PDE1C: variants seen among roughly 807,000 people sequenced by gnomAD.
PDE1C encodes dual specificity calcium/calmodulin-dependent 3',5'-cyclic nucleotide phosphodiesterase 1C.
PDE1C carries 62 observed loss-of-function variants against 93.1 expected under a neutral mutation model. The ratio of observed to expected loss-of-function variants is 0.67; its 90% CI spans 0.54 to 0.82. The LOEUF (loss-of-function observed/expected upper bound fraction) is 0.82. Among genes scored for constraint, PDE1C ranks in the 40% least tolerant of loss-of-function variants. PDE1C has a pLI of 0.00. For synonymous variants in PDE1C, 325 were observed against 310.1 expected (o/e 1.05, Z -0.50); for missense variants, 742 against 884.6 (o/e 0.84, Z 2.04).
At chr7:31,691,748 T>C in the PDE1C span, among the ~76,000 whole-genome samples, 3 of 135,168 alleles carry the variant, frequency 2.2e-5, no homozygotes, top group Non-Finnish European at 4.6e-5. Flanking sequence ...ATAATGTGGA[T>C]GGGGAGGTAG....
At chr7:31,736,491 G>C in the PDE1C span, among the ~76,000 whole-genome samples, 1 of 152,150 alleles carries the variant, frequency 6.6e-6, no homozygotes, top group Non-Finnish European at 1.5e-5. Flanking sequence ...TGAGTGGAAC[G>C]TACCAAGCCA....
At chr7:32,049,649 T>C (rs1322351828) in intron 2 of PDE1C, among the ~76,000 whole-genome samples, 1 of 152,146 alleles carries the variant, frequency 6.6e-6, no homozygotes, top group African/African-American at 2.4e-5. Context: ...ATCTAAAAAA[T>C]GCCATTGTTG....
At chr7:31,926,697 T>G (rs1479843473) in intron 2 of PDE1C, among the ~76,000 whole-genome samples, 1 of 152,062 alleles carries the variant, frequency 6.6e-6, no homozygotes, top group Non-Finnish European at 1.5e-5. Context: ...GTCAGGGAAC[T>G]CCCTCCTCTA....
intron 17 of PDE1C, among the ~76,000 whole-genome samples, chr7:31,764,196 G>A (rs1011762844): frequency 1.8e-4 from 27 of 152,102 alleles, no homozygotes; most frequent in African/African-American, 6.5e-4. Context: ...TGTTGCCCAA[G>A]CTGGAGTGCA....
At chr7:31,802,770 T>C (rs1353120941) in intron 16 of PDE1C, among the ~76,000 whole-genome samples, 2 of 151,818 alleles carry the variant, frequency 1.3e-5, no homozygotes, top group Admixed American at 1.3e-4. Context: ...CCACAAGACA[T>C]CTACTGTCAT....
At chr7:32,116,170 G>A (rs1798975118) in intron 3 of PDE1C, among the ~76,000 whole-genome samples, 1 of 152,180 alleles carries the variant, frequency 6.6e-6, no homozygotes, top group Admixed American at 6.5e-5. Context: ...ACTACAGGGT[G>A]CTTTGAAACT....
chr7:32,327,455 C>G lies in PDE1C; in HGVS notation c.310+100367G>C, dbSNP rs555740280. Among the ~76,000 whole-genome samples the G allele has an allele frequency of 3.9e-5, 6 of 152,220 alleles. No individual in the cohort carries two copies. In the East Asian group the frequency reaches 1.2e-3, roughly 29 times the overall value. Reference sequence around the variant, plus strand: ...CCCAAAGGTAACATTATCTGGGTTTCTATCACCATGGATTCATTTTCTCTA... The same window carrying G: ...CCCAAAGGTAACATTATCTGGGTTTGTATCACCATGGATTCATTTTCTCTA... On this transcript the variant is annotated intron_variant, in intron 1 of 1. Transcript: ENST00000672256.
At chr7:32,327,789 AAG>A (rs60684759) in intron 1 of PDE1C, among the ~76,000 whole-genome samples, 11 of 132,234 alleles carry the variant, frequency 8.3e-5, no homozygotes, top group Non-Finnish European at 1.2e-4. Flanking sequence ...AAAAAAAAAA[AAG>A]AGAATCATGT....
chr7:32,167,112 A>G (rs1378191735), intron 3 of PDE1C, among the ~76,000 whole-genome samples: 1 of 152,180 alleles, frequency 6.6e-6, no homozygotes, highest in Middle Eastern at 3.2e-3. Flanking sequence ...TTTTTGAAAA[A>G]CACCCATCAT....
intron 1 of PDE1C, among the ~76,000 whole-genome samples, chr7:32,284,303 G>C (rs560637058): frequency 6.6e-6 from 1 of 152,344 alleles, no homozygotes; most frequent in Non-Finnish European, 1.5e-5. Flanking sequence ...GGTGGAAGGA[G>C]CCAGACAGAA....
intron 2 of PDE1C, among the ~76,000 whole-genome samples, chr7:31,896,905 T>C (rs1284005569): frequency 6.6e-6 from 1 of 152,232 alleles, no homozygotes; most frequent in Non-Finnish European, 1.5e-5. Flanking sequence ...CTTTCTAAAC[T>C]GTATACCACA....
chr7:32,237,763 CTTTT>C (rs58726659), intron 1 of PDE1C, among the ~76,000 whole-genome samples: 2,210 of 103,572 alleles, frequency 0.021, 44 homozygotes, highest in African/African-American at 0.037. Flanking sequence ...TATATATATA[CTTTT>C]TTTTTTTTTT....
At chr7:32,161,400 T>C (rs965339093) in intron 3 of PDE1C, among the ~76,000 whole-genome samples, 1 of 152,166 alleles carries the variant, frequency 6.6e-6, no homozygotes, top group Non-Finnish European at 1.5e-5. Flanking sequence ...CCCACCCTCA[T>C]AGCTTATTGG....
chr7:31,858,380 G>A (rs1451559026), intron 7 of PDE1C, among the ~76,000 whole-genome samples: 1 of 152,144 alleles, frequency 6.6e-6, no homozygotes, highest in Non-Finnish European at 1.5e-5. Context: ...ACAACACTCA[G>A]GAGGGTGGCT....
intron 2 of PDE1C, among the ~76,000 whole-genome samples, chr7:32,191,491 C>A (rs1406363727): frequency 6.6e-6 from 1 of 152,028 alleles, no homozygotes; most frequent in Non-Finnish European, 1.5e-5. Flanking sequence ...AATATGTAAC[C>A]TTAGGGGACT....
intron 1 of PDE1C, among the ~76,000 whole-genome samples, chr7:32,249,747 TTAAGGCACAAAAA>T (rs1809227058): frequency 6.6e-6 from 1 of 152,068 alleles, no homozygotes; most frequent in African/African-American, 2.4e-5. Flanking sequence ...ATAAAAAAAA[TTAAGGCACAAAAA>T]TAAGTCAATC....
chr7:32,322,507 G>A (rs1031268486), intron 1 of PDE1C, among the ~76,000 whole-genome samples: 10 of 152,148 alleles, frequency 6.6e-5, no homozygotes, highest in African/African-American at 2.4e-4. Context: ...AGAAGCCTGA[G>A]GCAGGAGAAT....
intron 1 of PDE1C, among the ~76,000 whole-genome samples, chr7:32,056,777 T>C (rs1242301457): frequency 6.6e-6 from 1 of 152,138 alleles, no homozygotes; most frequent in Non-Finnish European, 1.5e-5. Flanking sequence ...AATCTTTCAT[T>C]GATTTTAAAA....
intron 2 of PDE1C, among the ~76,000 whole-genome samples, chr7:32,021,427 C>T (rs532392621): frequency 1.6e-4 from 24 of 152,186 alleles, no homozygotes; most frequent in African/African-American, 5.5e-4. Context: ...GTTCTTTCCA[C>T]AATAACTTTC....
Sources: allele counts gnomAD v4.1 joint callset (sites outside exome capture counted in the v4.1 genomes callset), GRCh38; gene constraint gnomAD v4.1.1; transcripts MANE v1.5; gene names NCBI Gene and HGNC (gene_info 2026-07-23, HGNC 2026-07-21).